The following PLCB1 variants were observed in gnomAD, a reference collection of about 807,000 sequenced individuals.
The protein encoded by PLCB1 is 1-phosphatidylinositol 4,5-bisphosphate phosphodiesterase beta-1.
Under a neutral mutation model 161.8 loss-of-function variants are expected in PLCB1, and 46 were observed. That is an observed-to-expected ratio of 0.28 (90% CI 0.22 to 0.36). The LOEUF (loss-of-function observed/expected upper bound fraction) is 0.36. Among genes scored for constraint, PLCB1 ranks in the 10% least tolerant of loss-of-function variants. PLCB1 has a pLI of 1.00. For missense variants in PLCB1, 1,016 were observed against 1,472.5 expected, an observed-to-expected ratio of 0.69 and a Z score of 5.07; for synonymous variants, 517 against 503.7, an observed-to-expected ratio of 1.03 and a Z score of -0.35.
At chr20:8,335,525 T>C (rs777014860) in intron 2 of PLCB1, among the ~76,000 whole-genome samples, 4 of 152,248 alleles carry the variant, frequency 2.6e-5, no homozygotes, top group Admixed American at 6.5e-5. Flanking sequence ...ACTTGATTCA[T>C]GTTTCATGAT....
Position 8,765,273 on chromosome 20 carries a change from A to G in PLCB1, c.2845A>G (p.Thr949Ala). 6.2e-7 allele frequency: 1 copy of G among 1,614,108 alleles called. No homozygotes were observed. The highest frequency in any genetic ancestry group is 8.5e-7 in the Non-Finnish European group (1 of 1,179,946). Reference protein sequence around the residue: ...KKTTDLIKEHTTKYNEIQNDY... With the variant: ...KKTTDLIKEHATKYNEIQNDY... ...AACCACTGACCTTATCAAAGAACAC[A>G]CTACCAAGTATAATGAAATTCAGAA... is the stretch of plus-strand genomic sequence containing the variant. The change falls in exon 26 of 32, where the codon ACT (threonine) becomes GCT (alanine). Residue 949 changes from threonine (T) to alanine (A), a missense_variant. Thr to Ala is a moderately conservative substitution (Grantham distance 58). Transcript: ENST00000338037.
chr20:8,348,700 G>A (rs1208699081), intron 2 of PLCB1, among the ~76,000 whole-genome samples: 2 of 152,178 alleles, frequency 1.3e-5, no homozygotes, highest in East Asian at 1.9e-4. Flanking sequence ...AGCTGCTGCT[G>A]TTTTGGCCTT....
At chr20:8,654,141 T>C (rs1360558555) in intron 7 of PLCB1, among the ~76,000 whole-genome samples, 1 of 152,042 alleles carries the variant, frequency 6.6e-6, no homozygotes, top group African/African-American at 2.4e-5. Context: ...ATGCCACCAG[T>C]ACTACCACCA....
At chr20:8,630,746 A>G (rs1482878430) in intron 4 of PLCB1, among the ~76,000 whole-genome samples, 2 of 152,246 alleles carry the variant, frequency 1.3e-5, no homozygotes, top group East Asian at 3.8e-4. Flanking sequence ...AAAACATGCA[A>G]TAAATGGCAG....
Position 8,722,319 on chromosome 20 carries a change from T to C in PLCB1, c.1514-35T>C, listed in dbSNP as rs375980758. ...AATGCTGTAAAGCTAAATGTTGAAA[T>C]GGTGACATGATGATCTGTTATTAAA... is the stretch of plus-strand genomic sequence containing the variant. On this transcript the variant is annotated intron_variant, in intron 14 of 31. Coordinates refer to ENST00000338037, the MANE Select transcript of PLCB1 (RefSeq NM_015192.4). The C allele has an allele frequency of 7.3e-6, 11 of 1,507,560 alleles. No individual in the cohort carries two copies. In the African/African-American group the frequency reaches 1.5e-4, roughly 21 times the overall value. The allele number at this position is 1,507,560 out of a possible 1,614,324, so 93.4% of individuals were successfully genotyped here. A position where few individuals can be genotyped will look rare whatever the true frequency, so the allele number is the denominator to read the frequency against.
chr20:8,146,709 G>A (rs1413082301), intron 1 of PLCB1, among the ~76,000 whole-genome samples: 2 of 151,998 alleles, frequency 1.3e-5, no homozygotes, highest in African/African-American at 4.8e-5. Context: ...GTTTTGTTAA[G>A]GTCTTTTGCT....
In PLCB1 at chr20:8,262,933, C is replaced by T. The variant is rs114599280; in HGVS notation, c.178-108449C>T. ...CTCTAACTCCATCATGAGGGTCCCC[C>T]TCTGATGACCTAATCTAAACCTAAT... On this transcript the variant is annotated intron_variant, in intron 2 of 31. Coordinates refer to ENST00000338037, the MANE Select transcript of PLCB1 (RefSeq NM_015192.4). Among the ~76,000 whole-genome samples the T allele has an allele frequency of 6.9e-3, 1,047 of 152,290 alleles. 13 individuals carry two copies. The highest frequency in any genetic ancestry group is 0.023 in the African/African-American group (970 of 41,560).
intron 3 of PLCB1, among the ~76,000 whole-genome samples, chr20:8,453,301 G>A (rs1173072004): frequency 6.6e-6 from 1 of 152,240 alleles, no homozygotes; most frequent in Non-Finnish European, 1.5e-5. Context: ...CAGAACTGTT[G>A]TGAAGGATAG....
intron 23 of PLCB1, 138 bp from the exon 24 acceptor site, chr20:8,756,908 T>C (rs1233144999): frequency 1.2e-6 from 1 of 802,638 alleles, no homozygotes; most frequent in East Asian, 2.7e-5. Flanking sequence ...TAACCCTGCT[T>C]TCCAGGGAGT....
chr20:8,216,456 T>A (rs1290074777), intron 2 of PLCB1, among the ~76,000 whole-genome samples: 2 of 152,166 alleles, frequency 1.3e-5, no homozygotes, highest in Non-Finnish European at 2.9e-5. Flanking sequence ...TAAAGTAGAA[T>A]GTGTTGTGTT....
chr20:8,882,017 A>G lies in PLCB1; in HGVS notation c.*168A>G. 1 of 601,578 alleles carries G rather than the reference A, an allele frequency of 1.7e-6. No individual in the cohort carries two copies. Among genetic ancestry groups the G allele is most frequent in the Non-Finnish European group, 2.9e-6 (1 of 339,280 alleles). 37.3% of individuals were successfully genotyped at this position (601,578 alleles called of 1,614,324 possible). ...GAATCCATGAAGAATTCCCATGCCC[A>G]GGCTCCATGTGTCATGTGGAAACCT... On this transcript the variant is annotated 3_prime_UTR_variant, in exon 32 of 32. Coordinates refer to ENST00000338037, the MANE Select transcript of PLCB1 (RefSeq NM_015192.4).
At chr20:8,320,972 A>AAAAG (rs1284788263) in intron 2 of PLCB1, among the ~76,000 whole-genome samples, 1 of 151,756 alleles carries the variant, frequency 6.6e-6, no homozygotes, top group Non-Finnish European at 1.5e-5. Context: ...AGAAAGGGAA[A>AAAAG]ATAGAAAAGG....
intron 3 of PLCB1, among the ~76,000 whole-genome samples, chr20:8,459,723 G>GC: frequency 6.6e-6 from 1 of 152,284 alleles, no homozygotes; most frequent in South Asian, 2.1e-4. Flanking sequence ...GTGGTGACCA[G>GC]CTACAGAGGC....
rs6039230 is a variant in PLCB1, at chr20:8,684,671, C to T, written c.863-261C>T. 0.98 allele frequency among the ~76,000 whole-genome samples: 148,500 copies of T among 152,292 alleles called. 72,433 individuals carry two copies. The highest frequency in any genetic ancestry group is 1 in the East Asian group (5,184 of 5,186). On this transcript the variant is annotated intron_variant, in intron 9 of 31. Transcript: ENST00000338037. ...ATCCATAAAGTTAATACCAGTCTTA[C>T]ATTGGAAAACAGGAGGTTGGTGTTT...
intron 14 of PLCB1, among the ~76,000 whole-genome samples, chr20:8,721,531 G>A (rs543460344): frequency 6.6e-6 from 1 of 152,074 alleles, no homozygotes; most frequent in East Asian, 1.9e-4. Flanking sequence ...AATTCTTCAG[G>A]GGAAAAACAA....
intron 2 of PLCB1, among the ~76,000 whole-genome samples, chr20:8,165,942 C>G (rs1383576753): frequency 6.6e-6 from 1 of 152,114 alleles, no homozygotes; most frequent in Non-Finnish European, 1.5e-5. Flanking sequence ...CTCTTCCTTT[C>G]CCAGCCCATC....
intron 2 of PLCB1, among the ~76,000 whole-genome samples, chr20:8,369,865 C>T (rs913583464): frequency 6.6e-6 from 1 of 152,158 alleles, no homozygotes; most frequent in Admixed American, 6.5e-5. Context: ...GGTTTGCATT[C>T]GAGGAGTGAG....
At chr20:8,633,449 T>TG (rs1988664996) in intron 4 of PLCB1, among the ~76,000 whole-genome samples, 1 of 152,054 alleles carries the variant, frequency 6.6e-6, no homozygotes, top group African/African-American at 2.4e-5. Context: ...CACGTAAATT[T>TG]GGGGGTCATT....
At chr20:8,616,683 C>T (rs1283736072) in intron 3 of PLCB1, among the ~76,000 whole-genome samples, 1 of 152,098 alleles carries the variant, frequency 6.6e-6, no homozygotes, top group Admixed American at 6.6e-5. Context: ...GACAGATGCC[C>T]CCAAGCACAA....
Sources: allele counts gnomAD v4.1 joint callset (sites outside exome capture counted in the v4.1 genomes callset), GRCh38; gene constraint gnomAD v4.1.1; transcripts MANE v1.5; gene names NCBI Gene and HGNC (gene_info 2026-07-23, HGNC 2026-07-21).